Variants in MAGI2 observed in about 807,000 individuals in gnomAD.
MAGI2 encodes the protein membrane-associated guanylate kinase, WW and PDZ domain-containing protein 2.
MAGI2 carries 35 observed loss-of-function variants against 133.3 expected under a neutral mutation model. The ratio of observed to expected loss-of-function variants is 0.26; its 90% CI spans 0.20 to 0.35. MAGI2 has a LOEUF of 0.35. MAGI2 is among the 10% of genes least tolerant of loss of function. The probability of loss-of-function intolerance (pLI) is 1.00; values close to 1 mark genes in which losing one functional copy is unlikely to be tolerated. For missense variants in MAGI2, 1,636 were observed against 1,863.4 expected (o/e 0.88, Z 2.25); for synonymous variants, 729 against 710.6 (o/e 1.03, Z -0.41).
intron 3 of MAGI2, among the ~76,000 whole-genome samples, chr7:78,530,149 A>G (rs1406006202): frequency 6.6e-6 from 1 of 152,158 alleles, no homozygotes; most frequent in African/African-American, 2.4e-5. Context: ...TTTTCTCACA[A>G]ACAATAAACC....
intron 1 of MAGI2, among the ~76,000 whole-genome samples, chr7:79,258,059 A>T (rs1833822246): frequency 6.6e-6 from 1 of 152,214 alleles, no homozygotes; most frequent in South Asian, 2.1e-4. Context: ...GTCTTTGAAC[A>T]TCAAACATGT....
At chr7:79,393,345 G>A (rs958860415) in intron 1 of MAGI2, among the ~76,000 whole-genome samples, 4 of 152,046 alleles carry the variant, frequency 2.6e-5, no homozygotes, top group Non-Finnish European at 1.5e-5. Flanking sequence ...TTCTTATAAA[G>A]ATGTTTTAAA....
intron 21 of MAGI2, among the ~76,000 whole-genome samples, chr7:78,036,451 G>A (rs992204699): frequency 2.6e-5 from 4 of 151,984 alleles, no homozygotes; most frequent in Admixed American, 6.6e-5. Flanking sequence ...TTCACTAGGC[G>A]CTTTCTCTTC....
intron 2 of MAGI2, among the ~76,000 whole-genome samples, chr7:78,631,903 C>T (rs142707657): frequency 3.2e-4 from 49 of 152,318 alleles, no homozygotes; most frequent in African/African-American, 1.1e-3. Context: ...TTCTCCACCT[C>T]TGTAAACTCT....
chr7:78,604,118 C>T (rs1805524333), intron 3 of MAGI2, among the ~76,000 whole-genome samples: 1 of 152,086 alleles, frequency 6.6e-6, no homozygotes, highest in Non-Finnish European at 1.5e-5. Flanking sequence ...GAGTCATGAC[C>T]ATTTTATTGA....
At chr7:78,374,954 C>T (rs1794299084) in intron 6 of MAGI2, among the ~76,000 whole-genome samples, 1 of 152,018 alleles carries the variant, frequency 6.6e-6, no homozygotes, top group Non-Finnish European at 1.5e-5. Flanking sequence ...ATTCTTGTTC[C>T]TCAGCCTCCT....
intron 18 of MAGI2, among the ~76,000 whole-genome samples, chr7:78,130,446 C>T (rs1469440357): frequency 4.6e-5 from 7 of 152,152 alleles, no homozygotes; most frequent in African/African-American, 1.4e-4. Flanking sequence ...AAATTCATAC[C>T]GTGCACTGGC....
intron 1 of MAGI2, among the ~76,000 whole-genome samples, chr7:79,040,259 C>T (rs1480157414): frequency 6.6e-6 from 1 of 152,044 alleles, no homozygotes; most frequent in Non-Finnish European, 1.5e-5. Context: ...CCATGCTTCC[C>T]CTTTGCCTTC....
intron 1 of MAGI2, among the ~76,000 whole-genome samples, chr7:79,050,350 T>G (rs532067111): frequency 6.6e-6 from 1 of 152,286 alleles, no homozygotes; most frequent in East Asian, 1.9e-4. Context: ...CTCTTTAATG[T>G]CACACTATGG....
At chr7:78,742,649 T>C (rs1585259892) in intron 2 of MAGI2, among the ~76,000 whole-genome samples, 1 of 152,238 alleles carries the variant, frequency 6.6e-6, no homozygotes, top group South Asian at 2.1e-4. Context: ...TTTCCAAAGA[T>C]GCCCACAAGA....
chr7:79,367,772 T>C (rs532668119), intron 1 of MAGI2, among the ~76,000 whole-genome samples: 1 of 150,552 alleles, frequency 6.6e-6, no homozygotes, highest in South Asian at 2.1e-4. Context: ...AAATGACTTT[T>C]TGTAAATGTT....
At chr7:78,711,601 G>A (rs188642485) in intron 2 of MAGI2, among the ~76,000 whole-genome samples, 1 of 80,378 alleles carries the variant, frequency 1.2e-5, no homozygotes, top group Admixed American at 1.4e-4. Flanking sequence ...AAGGACTGAC[G>A]ATGGAGTCTT....
At chr7:78,575,344 T>C (rs1802158341) in intron 3 of MAGI2, among the ~76,000 whole-genome samples, 1 of 152,128 alleles carries the variant, frequency 6.6e-6, no homozygotes, top group Non-Finnish European at 1.5e-5. Context: ...TAATGATTGA[T>C]TGAATGAATA....
At chr7:78,562,042 A>G (rs1035358323) in intron 3 of MAGI2, among the ~76,000 whole-genome samples, 2 of 152,158 alleles carry the variant, frequency 1.3e-5, no homozygotes, top group African/African-American at 4.8e-5. Flanking sequence ...AAAGATTCAC[A>G]AACGCTCTAT....
intron 21 of MAGI2, among the ~76,000 whole-genome samples, chr7:78,068,026 C>G (rs1449356837): frequency 1.3e-5 from 2 of 152,186 alleles, no homozygotes; most frequent in East Asian, 3.8e-4. Flanking sequence ...TTTGTCTACA[C>G]CCATAGAATG....
At chr7:78,594,234 A>G (rs1044654133) in intron 3 of MAGI2, among the ~76,000 whole-genome samples, 2 of 152,182 alleles carry the variant, frequency 1.3e-5, no homozygotes, top group Non-Finnish European at 2.9e-5. Context: ...AATGTTGCCC[A>G]ATTCTACAAT....
At chr7:78,248,750 T>C (rs1469032233) in intron 10 of MAGI2, among the ~76,000 whole-genome samples, 1 of 152,114 alleles carries the variant, frequency 6.6e-6, no homozygotes, top group Non-Finnish European at 1.5e-5. Flanking sequence ...AAACGTAAGA[T>C]CCAAAACTAT....
intron 2 of MAGI2, among the ~76,000 whole-genome samples, chr7:78,693,372 G>A (rs1817172293): frequency 6.6e-6 from 1 of 152,116 alleles, no homozygotes; most frequent in Non-Finnish European, 1.5e-5. Flanking sequence ...AATATATAGT[G>A]TTACTTACAG....
intron 10 of MAGI2, among the ~76,000 whole-genome samples, chr7:78,246,189 CA>C (rs1360585151): frequency 6.6e-6 from 1 of 152,182 alleles, no homozygotes. Context: ...CTGCTACATC[CA>C]GCTCCCCCAT....
Sources: allele counts gnomAD v4.1 joint callset (sites outside exome capture counted in the v4.1 genomes callset), GRCh38; gene constraint gnomAD v4.1.1; transcripts MANE v1.5; gene names NCBI Gene and HGNC (gene_info 2026-07-23, HGNC 2026-07-21).